The following ELP4 variants were observed in gnomAD, a reference collection of about 807,000 sequenced individuals.
ELP4 encodes elongator acetyltransferase complex subunit 4, also known as elongator complex protein 4.
ELP4 carries 51 observed loss-of-function variants against 48.9 expected under a neutral mutation model. That is an observed-to-expected ratio of 1.04 (90% confidence interval 0.83 to 1.32). The LOEUF is 1.32. ELP4 is among the 40% of genes most tolerant of loss of function. The probability of loss-of-function intolerance (pLI) is 0.00; values close to 1 mark genes in which losing one functional copy is unlikely to be tolerated. For synonymous variants in ELP4, 210 were observed against 189.2 expected (o/e 1.11, Z -0.90); for missense variants, 519 against 514.6 (o/e 1.01, Z -0.08).
At chr11:31,678,828 G>C (rs530879879) in intron 9 of ELP4, among the ~76,000 whole-genome samples, 1 of 152,102 alleles carries the variant, frequency 6.6e-6, no homozygotes, top group African/African-American at 2.4e-5. Context: ...GCAAGAAACT[G>C]GCAAACTGAC....
chr11:31,733,552 G>A (rs1405585606), intron 9 of ELP4, among the ~76,000 whole-genome samples: 1 of 150,690 alleles, frequency 6.6e-6, no homozygotes, highest in African/African-American at 2.4e-5. Flanking sequence ...GAAGTAAAAA[G>A]GATTAAAAGA....
intron 3 of ELP4, among the ~76,000 whole-genome samples, chr11:31,579,692 A>G (rs1957353570): frequency 6.6e-6 from 1 of 150,646 alleles, no homozygotes; most frequent in Non-Finnish European, 1.5e-5. Context: ...AGGACAAAAA[A>G]CCAAACACCA....
At chr11:31,519,427 T>G (rs1956174880) in intron 1 of ELP4, among the ~76,000 whole-genome samples, 1 of 152,244 alleles carries the variant, frequency 6.6e-6, no homozygotes, top group African/African-American at 2.4e-5. Context: ...TATTAACAAG[T>G]GCTAAATATA....
In ELP4 at chr11:31,693,318, C is replaced by A. The variant is rs563305875; in HGVS notation, c.1143+43097C>A. On this transcript the variant is annotated intron_variant, in intron 9 of 9. Transcript: ENST00000640961. ...TGCTAACCCTCCCCCCTTCCCCCAA[C>A]CCCATGACAGCCCTGGGTGTGTAAT... Among the ~76,000 whole-genome samples, 455 of 152,006 alleles carry A rather than the reference C, an allele frequency of 3.0e-3. 3 individuals carry two copies. Among genetic ancestry groups the A allele is most frequent in the Non-Finnish European group, 4.7e-3 (322 of 67,972 alleles).
At position 31,608,822 on chromosome 11, in the gene ELP4, G is replaced by T. The variant is rs144400979; in HGVS notation, c.653+4915G>T. Reference sequence around the variant, plus strand: ...GTGAGACGAGACCTGGGAAGGGTAAGTGGGTGCTAAAAATTTAGATAAAGC... The same window carrying T: ...GTGAGACGAGACCTGGGAAGGGTAATTGGGTGCTAAAAATTTAGATAAAGC... On this transcript the variant is annotated intron_variant, in intron 5 of 9. Coordinates refer to ENST00000640961, the MANE Select transcript of ELP4 (RefSeq NM_019040.5). 3.8e-3 allele frequency among the ~76,000 whole-genome samples: 577 copies of T among 152,264 alleles called. 2 individuals carry two copies. Among genetic ancestry groups the T allele is most frequent in the African/African-American group, 0.013 (540 of 41,552 alleles).
chr11:31,672,647 C>T lies in ELP4; in HGVS notation c.1143+22426C>T, dbSNP rs537855431. On this transcript the variant is annotated intron_variant, in intron 9 of 9. Coordinates refer to ENST00000640961, the MANE Select transcript of ELP4 (RefSeq NM_019040.5). ...TCTCTACAAAAAATACAAAAATTAG[C>T]TGGGTGTGGTGGTGGGCACCTATAG... is the stretch of plus-strand genomic sequence containing the variant. Among the ~76,000 whole-genome samples, 27 of 152,114 alleles carry T rather than the reference C, an allele frequency of 1.8e-4. No homozygotes were observed. The East Asian group carries it at 5.2e-3, about 30-fold the overall frequency.
chr11:31,683,283 T>C (rs1189263883), intron 9 of ELP4, among the ~76,000 whole-genome samples: 1 of 152,194 alleles, frequency 6.6e-6, no homozygotes. Context: ...GTGTCTTGTG[T>C]AAGCTTGATT....
chr11:31,767,908 A>G (rs1157724421), intron 9 of ELP4: 1 of 152,170 alleles, frequency 6.6e-6, no homozygotes, highest in African/African-American at 2.4e-5. Flanking sequence ...CGCTTTGCCC[A>G]GTCTGTTCAC....
At chr11:31,666,278 G>A (rs1415184963) in intron 9 of ELP4, among the ~76,000 whole-genome samples, 1 of 151,628 alleles carries the variant, frequency 6.6e-6, no homozygotes, top group Non-Finnish European at 1.5e-5. Context: ...AAAAGTGTTG[G>A]GATTACAGGC....
chr11:31,581,821 A>G (rs946332257), intron 3 of ELP4, among the ~76,000 whole-genome samples: 12 of 148,896 alleles, frequency 8.1e-5, no homozygotes, highest in Admixed American at 7.4e-4. Flanking sequence ...TGGTGTGATC[A>G]TGGCTTACTA....
At chr11:31,534,983 C>G (rs1956475696) in intron 2 of ELP4, among the ~76,000 whole-genome samples, 1 of 152,126 alleles carries the variant, frequency 6.6e-6, no homozygotes, top group Admixed American at 6.6e-5. Context: ...ATCATCTCTC[C>G]CATAGTTGTC....
rs567421864 is a variant in ELP4, at chr11:31,627,094, C to T, written c.654-16C>T. 5.1e-6 allele frequency: 8 copies of T among 1,554,538 alleles called. No homozygotes were observed. Among genetic ancestry groups the T allele is most frequent in the Non-Finnish European group, 7.1e-6 (8 of 1,129,208 alleles). On this transcript the variant is annotated splice_polypyrimidine_tract_variant and intron_variant, in intron 5 of 9. Transcript: ENST00000640961. ...ATAACCCATTTATGTATTTGAACCACTTCTTTTACCAACAGTTCTTTGACC... is the reference window on the plus strand; with the variant it reads ...ATAACCCATTTATGTATTTGAACCATTTCTTTTACCAACAGTTCTTTGACC...
chr11:31,684,594 C>T (rs1486251047), intron 9 of ELP4, among the ~76,000 whole-genome samples: 1 of 152,110 alleles, frequency 6.6e-6, no homozygotes, highest in African/African-American at 2.4e-5. Context: ...ATCATTGTAA[C>T]CAAACGGGAC....
intron 2 of ELP4, among the ~76,000 whole-genome samples, chr11:31,521,080 A>T (rs910633831): frequency 6.6e-6 from 1 of 152,112 alleles, no homozygotes; most frequent in Non-Finnish European, 1.5e-5. Context: ...ATTTTGGAAG[A>T]ATTTTCCCCA....
At chr11:31,600,747 G>A (rs1957766661) in intron 4 of ELP4, among the ~76,000 whole-genome samples, 1 of 151,974 alleles carries the variant, frequency 6.6e-6, no homozygotes, top group Non-Finnish European at 1.5e-5. Context: ...AAAACTGTTT[G>A]GATTCTTGAT....
intron 1 of ELP4, among the ~76,000 whole-genome samples, chr11:31,515,239 C>A (rs1406651461): frequency 6.6e-6 from 1 of 151,986 alleles, no homozygotes; most frequent in East Asian, 1.9e-4. Context: ...ATGATAGAAC[C>A]TTCTTACCTT....
chr11:31,583,662 G>A (rs2133975395), intron 3 of ELP4, among the ~76,000 whole-genome samples: 1 of 152,288 alleles, frequency 6.6e-6, no homozygotes, highest in East Asian at 1.9e-4. Flanking sequence ...AAACAATTAA[G>A]TGTGATGCTT....
At chr11:31,526,895 C>G (rs1338171260) in intron 2 of ELP4, among the ~76,000 whole-genome samples, 1 of 152,004 alleles carries the variant, frequency 6.6e-6, no homozygotes, top group Non-Finnish European at 1.5e-5. Context: ...AATCTTCCCT[C>G]TTAACCCTAT....
At chr11:31,748,208 A>G (rs894026540) in intron 9 of ELP4, among the ~76,000 whole-genome samples, 2 of 151,706 alleles carry the variant, frequency 1.3e-5, no homozygotes, top group Non-Finnish European at 2.9e-5. Flanking sequence ...TTATACATTT[A>G]AACAGGTTGC....
Sources: gnomAD v4.1 joint callset for allele counts (sites outside exome capture counted in the v4.1 genomes callset) on GRCh38, gnomAD v4.1.1 for gene constraint, MANE v1.5 for transcripts, NCBI Gene and HGNC (gene_info 2026-07-23, HGNC 2026-07-21) for gene names.